Variants in PSD2 observed in about 807,000 individuals in gnomAD.
PSD2 encodes pleckstrin and Sec7 domain containing 2.
PSD2 carries 38 observed loss-of-function variants against 69.8 expected under a neutral mutation model. The ratio of observed to expected loss-of-function variants is 0.54; its 90% CI spans 0.42 to 0.71. The LOEUF (loss-of-function observed/expected upper bound fraction) is 0.71, where lower values mean the gene tolerates loss of function less well. Ranked by LOEUF, PSD2 falls within the 30% of genes least tolerant of loss-of-function variation. The pLI is 0.00. For synonymous variants in PSD2, 412 were observed against 423.0 expected (o/e 0.97, Z 0.32); for missense variants, 943 against 1,014.5 (o/e 0.93, Z 0.96).
chr5:139,790,625 G>T, the PSD2 span, among the ~76,000 whole-genome samples: 1 of 152,182 alleles, frequency 6.6e-6, no homozygotes. Flanking sequence ...GAGGAAGCGG[G>T]GATGAACGGT....
chr5:139,763,054 C>T, the PSD2 span, among the ~76,000 whole-genome samples: 1 of 152,074 alleles, frequency 6.6e-6, no homozygotes, highest in African/African-American at 2.4e-5. Context: ...TTAGGCTAAC[C>T]TTGTTGGGTG....
chr5:139,835,875 C>A, intron 9 of PSD2, 109 bp downstream of exon 9: 2 of 1,033,796 alleles, frequency 1.9e-6, no homozygotes, highest in Non-Finnish European at 3.0e-6. Flanking sequence ...TGATCCCTCC[C>A]AATCCAGGGC....
rs140426809 is a variant in PSD2 at position 139,837,781 on chromosome 5, C to T, written c.1822C>T (p.Pro608Ser). ...CTGGAGGGTATTCCTCTTCCAGGCA[C>T]CGTGAGTAGGAGCTGGAGCCCTTCA... ...ADWRVFLFQAPSKEEMLSWIL... is the reference protein window; with the variant it reads ...ADWRVFLFQASSKEEMLSWIL... The change falls in exon 12 of 15, where the codon CCG (proline) becomes TCG (serine). Residue 608 changes from proline to serine, a missense_variant and splice_region_variant. Around this residue, in one of 3 missense-constraint regions of PSD2, gnomAD observed 312 missense variants for 400.7 expected, o/e 0.78. Transcript: ENST00000274710. The surrounding 1 kb of genome is among the most constrained non-coding windows in gnomAD (Gnocchi z 5.0). 2 of 1,607,630 alleles carry T rather than the reference C, an allele frequency of 1.2e-6. No individual in the cohort carries two copies. The highest frequency in any genetic ancestry group is 1.7e-6 in the Non-Finnish European group (2 of 1,175,192).
Position 139,842,392 on chromosome 5 carries a change from A to G in PSD2, c.2234A>G (p.Lys745Arg), listed in dbSNP as rs1760894906. The change falls in exon 15 of 15, where the codon AAG (lysine) becomes AGG (arginine). Residue 745 changes from lysine to arginine, a missense_variant. By Grantham distance (26) the Lys-to-Arg change is conservative (BLOSUM62 2). This residue lies in a region of PSD2 where 165 missense variants were observed against 168.8 expected (regional missense o/e 0.98). Transcript: ENST00000274710. Reference protein sequence around the residue: ...TLEGDDPSLRKTHSSPALSQG... With the variant: ...TLEGDDPSLRRTHSSPALSQG... ...GAAGGGGATGACCCTTCTCTCCGGA[A>G]GACACATTCAAGCCCTGCCCTCAGC... 1 of 1,614,094 alleles carries G rather than the reference A, an allele frequency of 6.2e-7. No homozygotes were observed. The highest frequency in any genetic ancestry group is 1.3e-5 in the African/African-American group (1 of 74,928).
chr5:139,793,816 A>C (rs1759461283), upstream of PSD2, among the ~76,000 whole-genome samples: 1 of 152,228 alleles, frequency 6.6e-6, no homozygotes, highest in African/African-American at 2.4e-5. Flanking sequence ...TCTTGAGCAC[A>C]TCAGCTCTTT....
At chr5:139,838,810 T>C in intron 13 of PSD2, 38 bp downstream of exon 13, 1 of 1,595,524 alleles carries the variant, frequency 6.3e-7, no homozygotes, top group Non-Finnish European at 8.6e-7. Flanking sequence ...CTCCCCAGGC[T>C]GCCATCCTCA....
At chr5:139,827,933 G>A (rs931717163) in intron 7 of PSD2, among the ~76,000 whole-genome samples, 2 of 152,156 alleles carry the variant, frequency 1.3e-5, no homozygotes, top group African/African-American at 4.8e-5. Context: ...TCTCAACAGA[G>A]GATCAAAGGG....
chr5:139,805,056 G>C (rs745566062), intron 1 of PSD2, among the ~76,000 whole-genome samples: 19 of 152,136 alleles, frequency 1.2e-4, no homozygotes, highest in Admixed American at 5.2e-4. Flanking sequence ...GCGCATGTGT[G>C]TGTGCACGTG....
Position 139,839,931 on chromosome 5 carries a change from T to C in PSD2, c.1969-96T>C. On this transcript the variant is annotated intron_variant, in intron 13 of 14. Transcript: ENST00000274710. This position sits in a 1 kb window ranked among gnomAD's most constrained non-coding sequence, Gnocchi z 5.1. ...TTGGTGATGCTGGCTAGGCCTTCAT[T>C]TCCCTTTGGTGGAGCAGCTCCTGGT... is the stretch of plus-strand genomic sequence containing the variant. The C allele has an allele frequency of 7.0e-7, 1 of 1,425,760 alleles. No homozygotes were observed. The highest frequency in any genetic ancestry group is 1.4e-5 in the African/African-American group (1 of 71,280). 88.3% of individuals were successfully genotyped at this position (1,425,760 alleles called of 1,614,324 possible). A position where few individuals can be genotyped will look rare whatever the true frequency, so the allele number is the denominator to read the frequency against.
the PSD2 span, among the ~76,000 whole-genome samples, chr5:139,756,018 G>T: frequency 6.6e-6 from 1 of 152,190 alleles, no homozygotes; most frequent in Non-Finnish European, 1.5e-5. Flanking sequence ...TAGTGTCCCC[G>T]CGGCTGCCGT....
At chr5:139,784,100 C>G in the PSD2 span, among the ~76,000 whole-genome samples, 159 of 151,928 alleles carry the variant, frequency 1.0e-3, no homozygotes, top group African/African-American at 3.5e-3. Flanking sequence ...CACCACCACA[C>G]TGGCTAATTT....
At chr5:139,744,472 C>T in the PSD2 span, among the ~76,000 whole-genome samples, 1 of 152,196 alleles carries the variant, frequency 6.6e-6, no homozygotes, top group Non-Finnish European at 1.5e-5. Context: ...CTAGCTCCCC[C>T]CATGCCCCTC....
chr5:139,771,516 C>T, the PSD2 span, among the ~76,000 whole-genome samples: 1 of 152,100 alleles, frequency 6.6e-6, no homozygotes, highest in Non-Finnish European at 1.5e-5. Flanking sequence ...GTAGCTGGGA[C>T]TACAGGCGCC....
chr5:139,788,365 G>A, the PSD2 span, among the ~76,000 whole-genome samples: 1 of 152,216 alleles, frequency 6.6e-6, no homozygotes, highest in African/African-American at 2.4e-5. Context: ...TGGGTTAAGG[G>A]GAGGGTCAGT....
chr5:139,770,949 A>G, the PSD2 span, among the ~76,000 whole-genome samples: 2 of 152,252 alleles, frequency 1.3e-5, no homozygotes, highest in Admixed American at 6.5e-5. Flanking sequence ...CTGACATTGC[A>G]CAATAGAAAG....
chr5:139,772,334 T>C, the PSD2 span, among the ~76,000 whole-genome samples: 10 of 152,258 alleles, frequency 6.6e-5, no homozygotes, highest in Non-Finnish European at 1.5e-4. Context: ...CCCCAAGGAC[T>C]GTTGAGAGCA....
the PSD2 span, among the ~76,000 whole-genome samples, chr5:139,753,819 T>G: frequency 7.0e-6 from 1 of 142,414 alleles, no homozygotes; most frequent in Non-Finnish European, 1.5e-5. Context: ...CCCAGAGTTG[T>G]TTTTTTTTTT....
intron 1 of PSD2, among the ~76,000 whole-genome samples, chr5:139,804,444 A>G (rs1003584728): frequency 1.4e-4 from 21 of 152,200 alleles, no homozygotes; most frequent in African/African-American, 4.3e-4. Context: ...TATACTCTAA[A>G]TGTTGCACAC....
Position 139,839,346 on chromosome 5 carries a change from C to T in PSD2, c.1968+574C>T, listed in dbSNP as rs1581742367. Among the ~76,000 whole-genome samples, 1 of 152,264 alleles carries T rather than the reference C, an allele frequency of 6.6e-6. No homozygotes were observed. Among genetic ancestry groups the T allele is most frequent in the East Asian group, 1.9e-4 (1 of 5,202 alleles). On this transcript the variant is annotated intron_variant, in intron 13 of 14. Transcript: ENST00000274710. The surrounding 1 kb of genome is among the most constrained non-coding windows in gnomAD (Gnocchi z 5.1). ...TGTCCCGGGTCACCCCACTGAGCTCCTGGGCTCCTGCTTCTGCCCAGAACC... is the reference window on the plus strand; with the variant it reads ...TGTCCCGGGTCACCCCACTGAGCTCTTGGGCTCCTGCTTCTGCCCAGAACC...
Sources: allele counts gnomAD v4.1 joint callset (sites outside exome capture counted in the v4.1 genomes callset), GRCh38; gene constraint gnomAD v4.1.1; regional missense constraint gnomAD v4.1.1; non-coding constraint Gnocchi (gnomAD v3.1); transcripts MANE v1.5; gene names NCBI Gene and HGNC (gene_info 2026-07-23, HGNC 2026-07-21).